Variants in OSBPL5 observed in about 807,000 individuals in gnomAD.
The protein encoded by OSBPL5 is oxysterol-binding protein-related protein 5.
OSBPL5 carries 71 observed loss-of-function variants against 111.2 expected under a neutral mutation model. The ratio of observed to expected loss-of-function variants is 0.64; its 90% CI spans 0.53 to 0.78. The LOEUF is 0.78. Among genes scored for constraint, OSBPL5 ranks in the 30% least tolerant of loss-of-function variants. The probability of loss-of-function intolerance (pLI) is 0.00; values close to 1 mark genes in which losing one functional copy is unlikely to be tolerated. For synonymous variants in OSBPL5, 549 were observed against 513.9 expected, an observed-to-expected ratio of 1.07 and a Z score of -0.93; for missense variants, 1,210 against 1,189.3, an observed-to-expected ratio of 1.02 and a Z score of -0.26.
At chr11:3,149,162 G>C (rs1264609262) in intron 1 of OSBPL5, among the ~76,000 whole-genome samples, 1 of 152,142 alleles carries the variant, frequency 6.6e-6, no homozygotes, top group African/African-American at 2.4e-5. Flanking sequence ...AGCCTTATCA[G>C]CTTCCAGCCT....
intron 7 of OSBPL5, among the ~76,000 whole-genome samples, chr11:3,111,897 T>C (rs1857953994): frequency 6.6e-6 from 1 of 152,142 alleles, no homozygotes; most frequent in Non-Finnish European, 1.5e-5. Flanking sequence ...TTAAAAAGAT[T>C]TTTTCAAAGA....
chr11:3,148,552 T>C (rs1846449388), intron 1 of OSBPL5, among the ~76,000 whole-genome samples: 1 of 152,354 alleles, frequency 6.6e-6, no homozygotes, highest in Middle Eastern at 3.4e-3. Flanking sequence ...GACGGGGCGC[T>C]GTCTGGAACC....
intron 1 of OSBPL5, among the ~76,000 whole-genome samples, chr11:3,133,286 A>G (rs1845861199): frequency 6.6e-6 from 1 of 152,124 alleles, no homozygotes; most frequent in Admixed American, 6.5e-5. Context: ...CCTGATGGGA[A>G]CCCCCCATGA....
intron 1 of OSBPL5, among the ~76,000 whole-genome samples, chr11:3,155,742 T>C (rs1846740082): frequency 1.3e-5 from 2 of 152,264 alleles, no homozygotes; most frequent in East Asian, 1.9e-4. Context: ...CGCCGACAGT[T>C]CACTTCCATT....
rs539032083 is a variant in OSBPL5, at chr11:3,139,301, G to A, written c.-21-10132C>T. 6.3e-3 allele frequency among the ~76,000 whole-genome samples: 961 copies of A among 152,318 alleles called. 13 individuals carry two copies. Among genetic ancestry groups the A allele is most frequent in the African/African-American group, 0.022 (912 of 41,578 alleles). ...GCTGTGCGGGACGGGTGGCCCCGGG[G>A]CTGGGGCCGTGGCCAAGCCTGCTGG... On this transcript the variant is annotated intron_variant, in intron 1 of 21. Coordinates refer to ENST00000263650, the MANE Select transcript of OSBPL5 (RefSeq NM_020896.4).
chr11:3,100,030 A>AAG, intron 14 of OSBPL5, 128 bp downstream of exon 14: 1 of 794,640 alleles, frequency 1.3e-6, no homozygotes, highest in East Asian at 2.7e-5. Flanking sequence ...AAAAAAAAAA[A>AAG]AAAAAAAGTC....
Position 3,121,881 on chromosome 11 carries a change from G to C in OSBPL5, c.402+116C>G. 2 of 876,096 alleles carry C rather than the reference G, an allele frequency of 2.3e-6. No individual in the cohort carries two copies. Among genetic ancestry groups the C allele is most frequent in the Non-Finnish European group, 3.6e-6 (2 of 559,708 alleles). 54.3% of individuals were successfully genotyped at this position (876,096 alleles called of 1,614,324 possible). ...AGGAGCAGAGGCTGCAGTGATAACG[G>C]CTAGATGCAGGGAAGTGAATTTCCA... On this transcript the variant is annotated intron_variant, in intron 5 of 21. Coordinates refer to ENST00000263650, the MANE Select transcript of OSBPL5 (RefSeq NM_020896.4). This position sits in a 1 kb window ranked among gnomAD's most constrained non-coding sequence, Gnocchi z 4.3.
chr11:3,117,211 T>C (rs892230671), intron 7 of OSBPL5, among the ~76,000 whole-genome samples: 1 of 152,202 alleles, frequency 6.6e-6, no homozygotes, highest in Admixed American at 6.5e-5. Flanking sequence ...ACTTGACTTA[T>C]GGAACCAATG....
In OSBPL5 at chr11:3,141,152, C is replaced by A. The variant is rs1846099909; in HGVS notation, c.-21-11983G>T. Among the ~76,000 whole-genome samples the A allele has an allele frequency of 6.6e-6, 1 of 152,192 alleles. No homozygotes were observed. The highest frequency in any genetic ancestry group is 2.1e-4 in the South Asian group (1 of 4,830). Reference sequence around the variant, plus strand: ...GCCTCATTCCAGGCAGTTTCGAGTGCTCTGATGCTGACAGCCACCCAGGCT... The same window carrying A: ...GCCTCATTCCAGGCAGTTTCGAGTGATCTGATGCTGACAGCCACCCAGGCT... On this transcript the variant is annotated intron_variant, in intron 1 of 21. Transcript: ENST00000263650. The surrounding 1 kb of genome is among the most constrained non-coding windows in gnomAD (Gnocchi z 6.5).
rs1378951649 is a variant in OSBPL5, at chr11:3,103,825, C to T, written c.1244+368G>A. ...GCAGCCCTCTTCCTGCCTGCGCAGCCCCCTTCCAGCCTCTGCAGCCCCTTT... is the reference window on the plus strand; with the variant it reads ...GCAGCCCTCTTCCTGCCTGCGCAGCTCCCTTCCAGCCTCTGCAGCCCCTTT... On this transcript the variant is annotated intron_variant, in intron 10 of 21. Transcript: ENST00000263650. Among the ~76,000 whole-genome samples, 24 of 57,158 alleles carry T rather than the reference C, an allele frequency of 4.2e-4. 2 individuals are homozygous for T. Among genetic ancestry groups the T allele is most frequent in the South Asian group, 1.9e-3 (4 of 2,112 alleles). The allele number at this position is 57,158 out of a possible 152,430, so 37.5% of individuals were successfully genotyped here. A position where few individuals can be genotyped will look rare whatever the true frequency, so the allele number is the denominator to read the frequency against.
chr11:3,103,393 C>A, intron 10 of OSBPL5, 73 bp from the exon 11 acceptor site: 2 of 1,387,620 alleles, frequency 1.4e-6, no homozygotes, highest in East Asian at 2.5e-5. Context: ...CTGACCCTTC[C>A]CTCCTACCAT....
chr11:3,142,422 C>T lies in OSBPL5; in HGVS notation c.-21-13253G>A, dbSNP rs925363704. On this transcript the variant is annotated intron_variant, in intron 1 of 21. Coordinates refer to ENST00000263650, the MANE Select transcript of OSBPL5 (RefSeq NM_020896.4). This position sits in a 1 kb window ranked among gnomAD's most constrained non-coding sequence, Gnocchi z 7.1. ...CTGGGAAGCCCCTACCTCTCCACCA[C>T]GACCCCTCCATGCCCTGCTGCCACA... Among the ~76,000 whole-genome samples the T allele has an allele frequency of 4.6e-5, 7 of 152,332 alleles. No homozygotes were observed. The highest frequency in any genetic ancestry group is 2.1e-4 in the South Asian group (1 of 4,822).
At chr11:3,088,916 G>T (rs1856964071) in intron 21 of OSBPL5, among the ~76,000 whole-genome samples, 1 of 152,094 alleles carries the variant, frequency 6.6e-6, no homozygotes, top group Non-Finnish European at 1.5e-5. Context: ...CGAGGGAGTA[G>T]ACGCGCTGTC....
In OSBPL5 at chr11:3,087,932, C is replaced by CCAGG; in HGVS notation, c.*269_*272dup. Reference sequence around the variant, plus strand: ...GACAGGGGGTGACACGGCAAGATGGCCAGGAGTGCGTCGCACAGCAGAAGC... The same window carrying CCAGG: ...GACAGGGGGTGACACGGCAAGATGGCCAGGCAGGAGTGCGTCGCACAGCAGAAGC... On this transcript the variant is annotated 3_prime_UTR_variant, in exon 22 of 22. Transcript: ENST00000263650. 3.2e-6 allele frequency: 1 copy of CCAGG among 316,326 alleles called. No homozygotes were observed. Among genetic ancestry groups the CCAGG allele is most frequent in the East Asian group, 5.1e-5 (1 of 19,690 alleles). 19.6% of individuals were successfully genotyped at this position (316,326 alleles called of 1,614,324 possible). A position where few individuals can be genotyped will look rare whatever the true frequency, so the allele number is the denominator to read the frequency against.
At chr11:3,103,922 A>G (rs1857606414) in intron 10 of OSBPL5, among the ~76,000 whole-genome samples, 1 of 146,696 alleles carries the variant, frequency 6.8e-6, no homozygotes, top group Non-Finnish European at 1.5e-5. Flanking sequence ...CTGCCTCTGC[A>G]GCCCATCCCA....
intron 11 of OSBPL5, 34 bp downstream of exon 11, chr11:3,103,205 G>A (rs1542188): frequency 0.17 from 267,071 of 1,559,024 alleles, 24,347 homozygotes; most frequent in Admixed American, 0.2. Flanking sequence ...CTCCTGGGCC[G>A]GAGCCCCACC....
rs563022782 is a variant in OSBPL5, at chr11:3,093,511, C to G, written c.1946+16G>C. The G allele has an allele frequency of 6.2e-7, 1 of 1,603,732 alleles. No homozygotes were observed. The highest frequency in any genetic ancestry group is 8.5e-7 in the Non-Finnish European group (1 of 1,178,224). ...GGCTGTGGTCAGCAGGGTCCCTGGG[C>G]GCTGACAGGCCTCACCTCTCGGACT... On this transcript the variant is annotated intron_variant, in intron 17 of 21. Transcript: ENST00000263650.
rs1846124682 is a variant in OSBPL5 at position 3,141,741 on chromosome 11, C to A, written c.-21-12572G>T. Among the ~76,000 whole-genome samples the A allele has an allele frequency of 6.6e-6, 1 of 152,138 alleles. No individual in the cohort carries two copies. The highest frequency in any genetic ancestry group is 2.1e-4 in the South Asian group (1 of 4,820). ...CGCCACCCTTGCATGTGTGTCCTCC[C>A]CTGGGCACAGGATGCTAAATGGGGT... On this transcript the variant is annotated intron_variant, in intron 1 of 21. Transcript: ENST00000263650. This position sits in a 1 kb window ranked among gnomAD's most constrained non-coding sequence, Gnocchi z 6.5.
At position 3,122,423 on chromosome 11, in the gene OSBPL5, C is replaced by T; in HGVS notation, c.225G>A (p.Glu75=). ...PSSATKVPPA[E]YRLCNGSDKE... is the part of the protein sequence containing the mutation. The stretch of plus-strand genomic sequence containing the variant: ...TGTCTGACCCGTTGCACAGCCTGTA[C>T]TCTGCCTGAAAGAGAGAGGTGGGTA... Residue 75 remains glutamate, a synonymous_variant, in exon 4 of 22, where the codon GAG becomes GAA. Coordinates refer to ENST00000263650, the MANE Select transcript of OSBPL5 (RefSeq NM_020896.4). 2.5e-6 allele frequency: 4 copies of T among 1,613,742 alleles called. No individual in the cohort carries two copies. The highest frequency in any genetic ancestry group is 3.4e-6 in the Non-Finnish European group (4 of 1,179,908).
Sources: allele counts gnomAD v4.1 joint callset (sites outside exome capture counted in the v4.1 genomes callset), GRCh38; gene constraint gnomAD v4.1.1; non-coding constraint Gnocchi (gnomAD v3.1); transcripts MANE v1.5; gene names NCBI Gene and HGNC (gene_info 2026-07-23, HGNC 2026-07-21).